Variants in USP37 observed in about 807,000 individuals in gnomAD.
The protein encoded by USP37 is ubiquitin carboxyl-terminal hydrolase 37.
In USP37, 27 loss-of-function variants were observed where a neutral mutation model predicts 124.0. That is an observed-to-expected ratio of 0.22 (90% CI 0.16 to 0.30). The LOEUF (loss-of-function observed/expected upper bound fraction) is 0.30. Among genes scored for constraint, USP37 ranks in the 10% least tolerant of loss-of-function variants. USP37 has a pLI of 1.00. For missense variants in USP37, 889 were observed against 1,140.4 expected, an observed-to-expected ratio of 0.78 and a Z score of 3.17; for synonymous variants, 365 against 388.0, an observed-to-expected ratio of 0.94 and a Z score of 0.70.
chr2:218,524,402 G>T (rs964380363), intron 10 of USP37, among the ~76,000 whole-genome samples: 24 of 152,104 alleles, frequency 1.6e-4, no homozygotes, highest in African/African-American at 5.8e-4. Context: ...TCCACTCCCA[G>T]CCATCTTTAA....
At chr2:218,538,974 A>G (rs1382918629) in intron 8 of USP37, among the ~76,000 whole-genome samples, 1 of 146,492 alleles carries the variant, frequency 6.8e-6, no homozygotes, top group Non-Finnish European at 1.5e-5. Context: ...ACTTTATTTT[A>G]TTTTTATTTT....
At chr2:218,467,752 G>C (rs1044358865) in intron 20 of USP37, among the ~76,000 whole-genome samples, 1 of 152,136 alleles carries the variant, frequency 6.6e-6, no homozygotes, top group African/African-American at 2.4e-5. Context: ...CCAAAGTGCT[G>C]GGATTATAGG....
intron 4 of USP37, among the ~76,000 whole-genome samples, chr2:218,557,144 C>T (rs753587201): frequency 2.0e-5 from 3 of 152,334 alleles, no homozygotes; most frequent in East Asian, 1.9e-4. Context: ...GCTGGGATTA[C>T]AGGCATGAGC....
intron 8 of USP37, among the ~76,000 whole-genome samples, chr2:218,544,434 G>T (rs954844415): frequency 0.018 from 1,601 of 87,134 alleles, 57 homozygotes; most frequent in African/African-American, 0.051. Flanking sequence ...TATATATAGA[G>T]AGAGAGAGAG....
intron 23 of USP37, among the ~76,000 whole-genome samples, chr2:218,459,509 A>G (rs753732188): frequency 6.6e-6 from 1 of 152,240 alleles, no homozygotes; most frequent in African/African-American, 2.4e-5. Flanking sequence ...CCGGCCAACT[A>G]AAGGTAATTT....
chr2:218,560,614 A>C (rs1023027397), intron 3 of USP37, among the ~76,000 whole-genome samples: 2 of 152,224 alleles, frequency 1.3e-5, no homozygotes, highest in African/African-American at 4.8e-5. Flanking sequence ...AGGTGACAGA[A>C]ATGACTTAAG....
intron 24 of USP37, among the ~76,000 whole-genome samples, 197 bp from the exon 25 acceptor site, chr2:218,455,915 G>A (rs1424411077): frequency 2.0e-5 from 3 of 151,962 alleles, no homozygotes; most frequent in East Asian, 3.9e-4. Flanking sequence ...GCATGGTGGC[G>A]TGCGCCTGTA....
intron 15 of USP37, 85 bp from the exon 16 acceptor site, chr2:218,485,828 TC>T: frequency 7.0e-7 from 1 of 1,421,472 alleles, no homozygotes; most frequent in Non-Finnish European, 9.7e-7. Context: ...TCTTATTAGT[TC>T]CATTAGTGGA....
intron 7 of USP37, among the ~76,000 whole-genome samples, 198 bp from the exon 8 acceptor site, chr2:218,546,496 G>A (rs1468627204): frequency 1.3e-5 from 2 of 152,148 alleles, no homozygotes; most frequent in Admixed American, 6.5e-5. Flanking sequence ...TTGGCTCACC[G>A]CAACCTCTGC....
At chr2:218,551,647 A>G (rs1377663345) in intron 5 of USP37, among the ~76,000 whole-genome samples, 1 of 152,222 alleles carries the variant, frequency 6.6e-6, no homozygotes, top group Non-Finnish European at 1.5e-5. Context: ...TTTCCACTCC[A>G]GTGGATTTGA....
At chr2:218,546,876 A>G (rs933855539) in intron 7 of USP37, 43 bp downstream of exon 7, 2 of 1,582,876 alleles carry the variant, frequency 1.3e-6, no homozygotes, top group Non-Finnish European at 1.7e-6. Context: ...CCTAAAAGAC[A>G]TTTACAGATA....
intron 23 of USP37, among the ~76,000 whole-genome samples, chr2:218,459,573 G>A (rs1354856839): frequency 1.3e-5 from 2 of 151,792 alleles, no homozygotes; most frequent in African/African-American, 4.9e-5. Context: ...AAAGTGGTCA[G>A]GATGTATTCC....
chr2:218,461,761 T>C (rs1275835430), intron 22 of USP37, among the ~76,000 whole-genome samples: 1 of 152,014 alleles, frequency 6.6e-6, no homozygotes, highest in Non-Finnish European at 1.5e-5. Flanking sequence ...ATCCTAGGAC[T>C]TTGGGAGGCC....
chr2:218,487,482 G>A (rs751715197), intron 15 of USP37, among the ~76,000 whole-genome samples: 6 of 151,890 alleles, frequency 4.0e-5, no homozygotes, highest in South Asian at 2.1e-4. Flanking sequence ...GTGCAGTGGC[G>A]TGATCTTGGC....
intron 23 of USP37, among the ~76,000 whole-genome samples, chr2:218,458,800 T>G (rs1276258354): frequency 1.3e-5 from 2 of 152,028 alleles, no homozygotes; most frequent in African/African-American, 4.8e-5. Context: ...GGTGTGGCAG[T>G]GTGTGCCTCT....
chr2:218,498,681 T>C (rs1390808167), intron 11 of USP37, among the ~76,000 whole-genome samples: 1 of 152,096 alleles, frequency 6.6e-6, no homozygotes, highest in Non-Finnish European at 1.5e-5. Flanking sequence ...GAGCCAAGAT[T>C]GTGCCATTGC....
At chr2:218,512,011 T>C (rs747643670) in intron 10 of USP37, among the ~76,000 whole-genome samples, 3 of 152,154 alleles carry the variant, frequency 2.0e-5, no homozygotes, top group Non-Finnish European at 4.4e-5. Context: ...TACTTTTCTG[T>C]AAGGCAAACC....
intron 2 of USP37, among the ~76,000 whole-genome samples, chr2:218,562,326 A>C (rs1251180332): frequency 2.0e-5 from 3 of 152,252 alleles, no homozygotes; most frequent in Non-Finnish European, 4.4e-5. Flanking sequence ...TAAAGCAAAA[A>C]AATAAGAAGA....
chr2:218,482,543 CTTAAA>C (rs1691318888), intron 16 of USP37, among the ~76,000 whole-genome samples: 2 of 152,068 alleles, frequency 1.3e-5, no homozygotes, highest in African/African-American at 4.8e-5. Context: ...GGGTTAAATC[CTTAAA>C]TTATTTACTT....
Sources: allele counts gnomAD v4.1 joint callset (sites outside exome capture counted in the v4.1 genomes callset), GRCh38; gene constraint gnomAD v4.1.1; transcripts MANE v1.5; gene names NCBI Gene and HGNC (gene_info 2026-07-23, HGNC 2026-07-21).